Variants in ZDHHC17 observed in about 807,000 individuals in gnomAD.
The protein encoded by ZDHHC17 is zDHHC palmitoyltransferase 17, also known as palmitoyltransferase ZDHHC17.
ZDHHC17 carries 40 observed loss-of-function variants against 90.3 expected under a neutral mutation model. The ratio of observed to expected loss-of-function variants is 0.44; its 90% CI spans 0.34 to 0.58. The LOEUF (loss-of-function observed/expected upper bound fraction) is 0.58. Among genes scored for constraint, ZDHHC17 ranks in the 20% least tolerant of loss-of-function variants. The pLI, the probability that ZDHHC17 is intolerant of heterozygous loss-of-function variation, is 0.01. For missense variants in ZDHHC17, 614 were observed against 780.8 expected, an observed-to-expected ratio of 0.79 and a Z score of 2.55; for synonymous variants, 235 against 252.4, an observed-to-expected ratio of 0.93 and a Z score of 0.65.
Position 76,809,703 on chromosome 12 carries a change from T to C in ZDHHC17, c.399-10T>C. On this transcript the variant is annotated splice_polypyrimidine_tract_variant and intron_variant, in intron 4 of 16. Coordinates refer to ENST00000426126, the MANE Select transcript of ZDHHC17 (RefSeq NM_015336.4). ...TTATATATCTAAGTGTTTATTCTTT[T>C]ATGTTTTAGACAAGGCCATCTATCC... The C allele has an allele frequency of 6.9e-7, 1 of 1,449,018 alleles. No homozygotes were observed. 89.8% of individuals were successfully genotyped at this position (1,449,018 alleles called of 1,614,324 possible).
At chr12:76,840,920 C>G (rs1565806204) in intron 10 of ZDHHC17, 1 of 152,122 alleles carries the variant, frequency 6.6e-6, no homozygotes, top group African/African-American at 2.4e-5. Flanking sequence ...AGTGCTGCCC[C>G]TGAGTAATGT....
chr12:76,806,762 C>G (rs1231395862), intron 3 of ZDHHC17, among the ~76,000 whole-genome samples: 2 of 152,192 alleles, frequency 1.3e-5, no homozygotes, highest in Non-Finnish European at 2.9e-5. Flanking sequence ...GTTCAACTAC[C>G]CTGGCCTCCC....
intron 12 of ZDHHC17, among the ~76,000 whole-genome samples, chr12:76,843,365 A>G (rs1953457805): frequency 6.6e-6 from 1 of 152,142 alleles, no homozygotes; most frequent in East Asian, 1.9e-4. Context: ...CACATGGGAA[A>G]ATCCATTAGA....
rs1257671103 is a variant in ZDHHC17 at position 76,766,284 on chromosome 12, T to G, written c.93+1955T>G. Among the ~76,000 whole-genome samples, 3 of 152,216 alleles carry G rather than the reference T, an allele frequency of 2.0e-5. No individual in the cohort carries two copies. In the East Asian group the frequency reaches 5.8e-4, roughly 29 times the overall value. On this transcript the variant is annotated intron_variant, in intron 1 of 16. Coordinates refer to ENST00000426126, the MANE Select transcript of ZDHHC17 (RefSeq NM_015336.4). The stretch of plus-strand genomic sequence containing the variant: ...CAAGAAGCACAAGGTCTGATTATTT[T>G]AATACTTTGGATGGACCTTAAGCTT...
rs558866651 is a variant in ZDHHC17 at position 76,851,699 on chromosome 12, T to C, written c.*714T>C. The C allele has an allele frequency of 2.0e-5, 3 of 152,774 alleles. No homozygotes were observed. Among genetic ancestry groups the C allele is most frequent in the Admixed American group, 2.0e-4 (3 of 15,298 alleles). The allele number at this position is 152,774 out of a possible 1,614,324, so 9.5% of individuals were successfully genotyped here. A position where few individuals can be genotyped will look rare whatever the true frequency, so the allele number is the denominator to read the frequency against. The stretch of plus-strand genomic sequence containing the variant: ...AGTATAGTAAGTCATGTTTTTTTGT[T>C]CAAATTTAAAAGCCCTGCTAATTGC... On this transcript the variant is annotated 3_prime_UTR_variant, in exon 17 of 17. Transcript: ENST00000426126.
chr12:76,772,671 A>AT (rs1952508245), intron 1 of ZDHHC17, among the ~76,000 whole-genome samples: 1 of 147,976 alleles, frequency 6.8e-6, no homozygotes, highest in South Asian at 2.2e-4. Flanking sequence ...AGTAGCTGGG[A>AT]TTACAAGCAC....
intron 8 of ZDHHC17, 44 bp from the exon 9 acceptor site, chr12:76,826,864 C>T: frequency 6.7e-7 from 1 of 1,483,264 alleles, no homozygotes. Flanking sequence ...ATTGAGATTA[C>T]TTGAAACATG....
rs1387345199 is a variant in ZDHHC17, at chr12:76,805,432, T to G, written c.313T>G (p.Leu105Val). 7 of 1,577,006 alleles carry G rather than the reference T, an allele frequency of 4.4e-6. No homozygotes were observed. The African/African-American group carries it at 8.1e-5, about 18-fold the overall frequency. The change falls in exon 3 of 17, where the codon TTA becomes GTA. Residue 105 changes from leucine (L) to valine (V), a missense_variant. Leu to Val is a conservative substitution (Grantham distance 32). Around this residue, in one of 5 missense-constraint regions of ZDHHC17, gnomAD observed 358 missense variants for 380.4 expected, o/e 0.94. Transcript: ENST00000426126. ...GGCTGCCATCAATAACAGAATAGAT[T>G]TAGTCAAGTATGTATTTTCTCTATT... Reference protein sequence around the residue: ...HWAAINNRIDLVKYYISKGAI... With the variant: ...HWAAINNRIDVVKYYISKGAI...
intron 1 of ZDHHC17, among the ~76,000 whole-genome samples, chr12:76,794,555 ATTAT>A (rs1952797007): frequency 6.6e-6 from 1 of 152,198 alleles, no homozygotes; most frequent in Admixed American, 6.5e-5. Context: ...CCACTGTAGA[ATTAT>A]TTGAGATATG....
chr12:76,849,323 C>CAAAAAAAAAAAA lies in ZDHHC17; in HGVS notation c.1666-46_1666-35dup, dbSNP rs34062414. ...TGGGTGACAGGGCAAGGTCCTGTCT[C>CAAAAAAAAAAAA]AAAAAAAAAAAAAAAAAACAAGAAT... On this transcript the variant is annotated intron_variant, in intron 15 of 16. Coordinates refer to ENST00000426126, the MANE Select transcript of ZDHHC17 (RefSeq NM_015336.4). The CAAAAAAAAAAAA allele has an allele frequency of 3.2e-3, 1,433 of 454,288 alleles. 19 individuals are homozygous for CAAAAAAAAAAAA. The highest frequency in any genetic ancestry group is 3.6e-3 in the Non-Finnish European group (1,143 of 317,830). 28.1% of individuals were successfully genotyped at this position (454,288 alleles called of 1,614,324 possible).
chr12:76,769,169 C>G, intron 1 of ZDHHC17: 1 of 266,578 alleles, frequency 3.8e-6, no homozygotes, highest in Non-Finnish European at 7.9e-6. Flanking sequence ...AGCGATTCTC[C>G]TGCATCAGCC....
Position 76,846,582 on chromosome 12 carries a change from G to T in ZDHHC17, c.1424-14G>T, listed in dbSNP as rs1188913306. 50 of 1,607,416 alleles carry T rather than the reference G, an allele frequency of 3.1e-5. No homozygotes were observed. The highest frequency in any genetic ancestry group is 4.2e-5 in the Non-Finnish European group (49 of 1,176,120). The stretch of plus-strand genomic sequence containing the variant: ...TTCTTAGCTGAAAAACCTTGCTTCT[G>T]TGTCGTTCTTCAGGTGCAGGCAACC... On this transcript the variant is annotated splice_polypyrimidine_tract_variant and intron_variant, in intron 13 of 16. Transcript: ENST00000426126.
At chr12:76,849,334 A>AAAAG in intron 15 of ZDHHC17, 42 bp from the exon 16 acceptor site, 1 of 1,102,482 alleles carries the variant, frequency 9.1e-7, no homozygotes, top group East Asian at 2.7e-5. Context: ...AAAAAAAAAA[A>AAAAG]AAAAAAACAA....
At chr12:76,774,615 A>C (rs2137715360) in intron 1 of ZDHHC17, among the ~76,000 whole-genome samples, 1 of 152,282 alleles carries the variant, frequency 6.6e-6, no homozygotes, top group South Asian at 2.1e-4. Context: ...TTTGGAATAC[A>C]TTTCAGGGTA....
chr12:76,805,229 T>C, intron 2 of ZDHHC17, 88 bp from the exon 3 acceptor site: 1 of 1,210,302 alleles, frequency 8.3e-7, no homozygotes, highest in South Asian at 1.4e-5. Flanking sequence ...AGTATCAAAA[T>C]GAGGAATTAT....
intron 1 of ZDHHC17, among the ~76,000 whole-genome samples, chr12:76,788,878 T>C (rs1341281530): frequency 6.6e-6 from 1 of 151,836 alleles, no homozygotes; most frequent in Non-Finnish European, 1.5e-5. Flanking sequence ...GTATTTTTAG[T>C]AGAGACGGGG....
At chr12:76,779,502 A>G (rs1434984306) in intron 1 of ZDHHC17, among the ~76,000 whole-genome samples, 1 of 152,142 alleles carries the variant, frequency 6.6e-6, no homozygotes, top group Non-Finnish European at 1.5e-5. Flanking sequence ...TTACTATCTC[A>G]CTAGAATAGC....
chr12:76,834,858 C>T (rs1299528376), intron 10 of ZDHHC17, among the ~76,000 whole-genome samples: 1 of 152,146 alleles, frequency 6.6e-6, no homozygotes, highest in African/African-American at 2.4e-5. Flanking sequence ...CCTAGGTACA[C>T]TGGTTTATTG....
intron 3 of ZDHHC17, among the ~76,000 whole-genome samples, chr12:76,806,897 C>G (rs1315672448): frequency 1.3e-5 from 2 of 152,176 alleles, no homozygotes; most frequent in African/African-American, 4.8e-5. Context: ...GATATTAATG[C>G]CAGGTAAGAG....
Sources: allele counts gnomAD v4.1 joint callset (sites outside exome capture counted in the v4.1 genomes callset), GRCh38; gene constraint gnomAD v4.1.1; regional missense constraint gnomAD v4.1.1; transcripts MANE v1.5; gene names NCBI Gene and HGNC (gene_info 2026-07-23, HGNC 2026-07-21).